The following LRP1B variants were observed in gnomAD, a reference collection of about 807,000 sequenced individuals.
LRP1B encodes the protein LDL receptor related protein 1B, also known as low-density lipoprotein receptor-related protein 1B.
LRP1B carries 217 observed loss-of-function variants against 556.6 expected under a neutral mutation model. The ratio of observed to expected loss-of-function variants is 0.39; its 90% confidence interval spans 0.35 to 0.44. LRP1B has a LOEUF of 0.44. Among genes scored for constraint, LRP1B ranks in the 20% least tolerant of loss-of-function variants. The pLI is 1.00. For missense variants in LRP1B, 5,053 were observed against 5,620.8 expected, an observed-to-expected ratio of 0.90 and a Z score of 3.23; for synonymous variants, 2,047 against 1,865.8, an observed-to-expected ratio of 1.10 and a Z score of -2.50.
intron 11 of LRP1B, among the ~76,000 whole-genome samples, chr2:141,044,350 A>G (rs1698801779): frequency 6.6e-6 from 1 of 151,882 alleles, no homozygotes; most frequent in South Asian, 2.1e-4. Flanking sequence ...CATTCAGGAC[A>G]TAGGCATGGG....
chr2:141,067,980 T>C (rs141082821), intron 7 of LRP1B, among the ~76,000 whole-genome samples: 2 of 152,142 alleles, frequency 1.3e-5, no homozygotes, highest in Non-Finnish European at 2.9e-5. Context: ...AGTCCATCTT[T>C]GCTTCCTGTC....
intron 1 of LRP1B, among the ~76,000 whole-genome samples, chr2:141,913,950 G>A (rs1240283620): frequency 6.6e-6 from 1 of 152,052 alleles, no homozygotes; most frequent in Non-Finnish European, 1.5e-5. Context: ...GTTTCACTGT[G>A]TTAGCCAGGA....
intron 1 of LRP1B, among the ~76,000 whole-genome samples, chr2:142,037,491 T>C (rs1703919353): frequency 6.6e-6 from 1 of 151,440 alleles, no homozygotes; most frequent in Admixed American, 6.6e-5. Context: ...GAGCCTGGAG[T>C]GACAACAAAG....
At chr2:141,408,141 A>ATTTTTTT (rs35914905) in intron 3 of LRP1B, among the ~76,000 whole-genome samples, 1 of 123,966 alleles carries the variant, frequency 8.1e-6, no homozygotes, top group Admixed American at 9.3e-5. Flanking sequence ...ATTTGGTTCA[A>ATTTTTTT]TTTTTTTTTT....
At chr2:141,274,412 A>G (rs1299497196) in intron 3 of LRP1B, among the ~76,000 whole-genome samples, 1 of 152,196 alleles carries the variant, frequency 6.6e-6, no homozygotes, top group Non-Finnish European at 1.5e-5. Context: ...AACATGAGTA[A>G]AACTTGAAAT....
At chr2:142,127,976 T>A (rs1463285450) in intron 1 of LRP1B, among the ~76,000 whole-genome samples, 1 of 152,126 alleles carries the variant, frequency 6.6e-6, no homozygotes, top group East Asian at 1.9e-4. Context: ...ATCTGATTTA[T>A]CTTCCAATTT....
At chr2:140,929,091 G>A (rs890220759) in intron 20 of LRP1B, among the ~76,000 whole-genome samples, 38 of 152,136 alleles carry the variant, frequency 2.5e-4, no homozygotes, top group African/African-American at 8.9e-4. Context: ...GTGTGAAAAC[G>A]GATTTTACAA....
At chr2:141,876,550 C>T (rs901152092) in intron 1 of LRP1B, among the ~76,000 whole-genome samples, 3 of 151,922 alleles carry the variant, frequency 2.0e-5, no homozygotes, top group Admixed American at 6.6e-5. Flanking sequence ...TCTATCACTT[C>T]AGAAGTTCAG....
chr2:141,224,866 T>C (rs1334376594), intron 6 of LRP1B, among the ~76,000 whole-genome samples: 1 of 151,942 alleles, frequency 6.6e-6, no homozygotes, highest in Non-Finnish European at 1.5e-5. Flanking sequence ...TTAATGAATG[T>C]TGGGCTTAAT....
At chr2:141,400,402 T>A (rs1227798734) in intron 3 of LRP1B, among the ~76,000 whole-genome samples, 1 of 152,208 alleles carries the variant, frequency 6.6e-6, no homozygotes, top group East Asian at 1.9e-4. Context: ...ATAAAATTAG[T>A]AAATTACAGA....
At chr2:141,309,317 C>A (rs1483139556) in intron 3 of LRP1B, among the ~76,000 whole-genome samples, 1 of 152,150 alleles carries the variant, frequency 6.6e-6, no homozygotes, top group Non-Finnish European at 1.5e-5. Flanking sequence ...CAAAAGAATT[C>A]TTATGGGCTT....
At chr2:140,429,749 C>A (rs1018603098) in intron 66 of LRP1B, among the ~76,000 whole-genome samples, 4 of 152,156 alleles carry the variant, frequency 2.6e-5, no homozygotes, top group Admixed American at 2.6e-4. Context: ...AACAACTTGA[C>A]CTTACTGTTT....
Position 141,596,137 on chromosome 2 carries a change from T to C in LRP1B, c.206-115604A>G, listed in dbSNP as rs964085898. Among the ~76,000 whole-genome samples the C allele has an allele frequency of 3.9e-4, 59 of 152,092 alleles. 1 individual carries two copies. The highest frequency in any genetic ancestry group is 1.4e-3 in the African/African-American group (59 of 41,548). On this transcript the variant is annotated intron_variant, in intron 2 of 90. Transcript: ENST00000389484. ...AAACCTTTTGTTTATATTTTCTAAA[T>C]TTAGATACTACCCTAGCTACTCCGA...
intron 43 of LRP1B, among the ~76,000 whole-genome samples, chr2:140,544,917 G>A (rs1680271143): frequency 6.6e-6 from 1 of 151,980 alleles, no homozygotes; most frequent in African/African-American, 2.4e-5. Context: ...CACAATGGTT[G>A]AAAACATTTT....
chr2:140,703,401 C>A (rs1259021760), intron 37 of LRP1B, among the ~76,000 whole-genome samples: 3 of 151,974 alleles, frequency 2.0e-5, no homozygotes, highest in African/African-American at 7.3e-5. Context: ...CTCATTCATT[C>A]AAAAAATTCG....
intron 66 of LRP1B, among the ~76,000 whole-genome samples, chr2:140,440,354 T>C (rs1686371739): frequency 2.0e-5 from 3 of 152,146 alleles, no homozygotes; most frequent in Admixed American, 6.6e-5. Context: ...ACATGGGACA[T>C]GTGAAATAGT....
At chr2:141,039,390 A>T (rs980270842) in intron 11 of LRP1B, among the ~76,000 whole-genome samples, 3 of 152,064 alleles carry the variant, frequency 2.0e-5, no homozygotes, top group Admixed American at 6.6e-5. Flanking sequence ...TATCACAGGT[A>T]TGTGTGCATA....
chr2:141,120,246 TGAA>T (rs1393374263), intron 7 of LRP1B, among the ~76,000 whole-genome samples: 1 of 152,008 alleles, frequency 6.6e-6, no homozygotes, highest in Non-Finnish European at 1.5e-5. Flanking sequence ...AAACCCTCAA[TGAA>T]GGATATTCAT....
At chr2:142,107,204 T>C (rs566241674) in intron 1 of LRP1B, among the ~76,000 whole-genome samples, 1 of 152,288 alleles carries the variant, frequency 6.6e-6, no homozygotes, top group East Asian at 1.9e-4. Context: ...AAAAGGTTGA[T>C]GCTATGTTTT....
Sources: gnomAD v4.1 joint callset for allele counts (sites outside exome capture counted in the v4.1 genomes callset) on GRCh38, gnomAD v4.1.1 for gene constraint, MANE v1.5 for transcripts, NCBI Gene and HGNC (gene_info 2026-07-23, HGNC 2026-07-21) for gene names.